Variants in TXNL4A observed in about 807,000 individuals in gnomAD.
TXNL4A encodes the protein thioredoxin like 4A.
A neutral mutation model predicts 14.6 loss-of-function variants in TXNL4A; 17 were observed. That is an observed-to-expected ratio of 1.16 (90% confidence interval 0.80 to 1.74). The LOEUF (loss-of-function observed/expected upper bound fraction) is 1.74, where lower values mean the gene tolerates loss of function less well. Ranked by LOEUF, TXNL4A falls within the 40% of genes most tolerant of loss-of-function variation. The pLI, the probability that TXNL4A is intolerant of heterozygous loss-of-function variation, is 0.00. For missense variants in TXNL4A, 74 were observed against 195.2 expected (o/e 0.38, Z 3.70); for synonymous variants, 83 against 70.6 (o/e 1.18, Z -0.88).
At chr18:80,027,854 G>A (rs982114567) in intron 1 of TXNL4A, among the ~76,000 whole-genome samples, 1 of 152,222 alleles carries the variant, frequency 6.6e-6, no homozygotes, top group African/African-American at 2.4e-5. Flanking sequence ...CTGACAGAGT[G>A]AGAGGAATTT....
chr18:79,987,290 G>C (rs2051565326), intron 1 of TXNL4A, among the ~76,000 whole-genome samples: 2 of 152,174 alleles, frequency 1.3e-5, no homozygotes, highest in Admixed American at 1.3e-4. Context: ...ATTAATAAAT[G>C]GCAGGCCAGA....
At chr18:79,998,022 G>C (rs916180762) in intron 1 of TXNL4A, among the ~76,000 whole-genome samples, 1 of 152,278 alleles carries the variant, frequency 6.6e-6, no homozygotes, top group Non-Finnish European at 1.5e-5. Flanking sequence ...GGACAGGCCC[G>C]GTGGCTCAGG....
Position 79,982,966 on chromosome 18 carries a change from T to C in TXNL4A, c.154-5265A>G, listed in dbSNP as rs557971566. ...CTGGGTGAGTGCAGCCACACTGCTC[T>C]GCCAAGTCATCCTGTGACTTCCTCA... On this transcript the variant is annotated intron_variant, in intron 1 of 2. Transcript: ENST00000269601. This position sits in a 1 kb window ranked among gnomAD's most constrained non-coding sequence, Gnocchi z 4.0. Among the ~76,000 whole-genome samples the C allele has an allele frequency of 6.6e-6, 1 of 152,282 alleles. No individual in the cohort carries two copies. The highest frequency in any genetic ancestry group is 2.1e-4 in the South Asian group (1 of 4,830).
chr18:80,013,854 G>GAAC (rs370833246), intron 1 of TXNL4A, among the ~76,000 whole-genome samples: 255 of 152,272 alleles, frequency 1.7e-3, no homozygotes, highest in African/African-American at 5.7e-3. Flanking sequence ...CTGAAACTAG[G>GAAC]AACAACAACA....
chr18:79,985,147 C>G (rs1175544790), intron 1 of TXNL4A, among the ~76,000 whole-genome samples: 2 of 152,176 alleles, frequency 1.3e-5, no homozygotes, highest in African/African-American at 2.4e-5. Context: ...GGAAAGACAG[C>G]TCAAAGGTCC....
chr18:79,973,630 A>C lies in TXNL4A; in HGVS notation c.*55T>G. ...TTCCAAAGGCTTTAAATAGCTTAAA[A>C]CGTTTCCATACAAAAAGGGCTCCAC... On this transcript the variant is annotated 3_prime_UTR_variant, in exon 3 of 3. Coordinates refer to ENST00000269601, the MANE Select transcript of TXNL4A (RefSeq NM_006701.5). The C allele has an allele frequency of 6.4e-7, 1 of 1,555,078 alleles. No homozygotes were observed. Among genetic ancestry groups the C allele is most frequent in the East Asian group, 2.3e-5 (1 of 44,324 alleles).
rs372173726 is a variant in TXNL4A at position 79,973,669 on chromosome 18, G to T, written c.*16C>A. 6.2e-7 allele frequency: 1 copy of T among 1,601,370 alleles called. No individual in the cohort carries two copies. Among genetic ancestry groups the T allele is most frequent in the East Asian group, 2.2e-5 (1 of 44,672 alleles). Reference sequence around the variant, plus strand: ...AAAGGGCTCCACGACATTTATCCGCGCAGACTGAGGGCGCCTCAGTAGCGG... The same window carrying T: ...AAAGGGCTCCACGACATTTATCCGCTCAGACTGAGGGCGCCTCAGTAGCGG... On this transcript the variant is annotated 3_prime_UTR_variant, in exon 3 of 3. Transcript: ENST00000269601.
chr18:80,031,162 T>G (rs2051918573), intron 1 of TXNL4A, among the ~76,000 whole-genome samples: 1 of 152,212 alleles, frequency 6.6e-6, no homozygotes, highest in Non-Finnish European at 1.5e-5. Flanking sequence ...GGTTCACCCC[T>G]TCGTTTGGCC....
chr18:80,011,677 G>C lies in TXNL4A; in HGVS notation c.-61+22174C>G, dbSNP rs12373197. On this transcript the variant is annotated intron_variant, in intron 1 of 2. Coordinates refer to the TXNL4A transcript ENST00000585474. This position sits in a 1 kb window ranked among gnomAD's most constrained non-coding sequence, Gnocchi z 4.1. ...TCGGCGGCATTCCACAGGTGGCTCA[G>C]GGAGATAACACTTCCTTGAAGCAAT... Among the ~76,000 whole-genome samples, 17,091 of 152,150 alleles carry C rather than the reference G, an allele frequency of 0.11. 1,173 individuals are homozygous for C. The highest frequency in any genetic ancestry group is 0.27 in the East Asian group (1,400 of 5,170).
chr18:80,005,497 A>G (rs1221620250), intron 1 of TXNL4A, among the ~76,000 whole-genome samples: 1 of 152,248 alleles, frequency 6.6e-6, no homozygotes, highest in African/African-American at 2.4e-5. Context: ...TTCAGGAATA[A>G]AATAATAATA....
At chr18:80,012,198 A>G (rs2051774602) in intron 1 of TXNL4A, among the ~76,000 whole-genome samples, 1 of 152,222 alleles carries the variant, frequency 6.6e-6, no homozygotes. Flanking sequence ...GGACACCGCC[A>G]AACCAAGATA....
chr18:80,009,699 A>G (rs923485308), intron 1 of TXNL4A, among the ~76,000 whole-genome samples: 4 of 152,254 alleles, frequency 2.6e-5, no homozygotes, highest in Non-Finnish European at 5.9e-5. Flanking sequence ...CAGGTCGGCA[A>G]CTTGAGAGAT....
chr18:80,009,052 C>CTTT (rs771335030), intron 1 of TXNL4A, among the ~76,000 whole-genome samples: 21 of 152,238 alleles, frequency 1.4e-4, no homozygotes, highest in Non-Finnish European at 2.4e-4. Context: ...GCTGGGATTA[C>CTTT]AGGCGTGAGC....
chr18:80,031,158 C>T (rs917328070), intron 1 of TXNL4A, among the ~76,000 whole-genome samples: 2 of 152,176 alleles, frequency 1.3e-5, no homozygotes, highest in Non-Finnish European at 2.9e-5. Flanking sequence ...ATCTGGTTCA[C>T]CCCTTCGTTT....
Position 80,011,396 on chromosome 18 carries a change from C to T in TXNL4A, c.-61+22455G>A, listed in dbSNP as rs1385145631. On this transcript the variant is annotated intron_variant, in intron 1 of 2. Transcript: ENST00000585474. This position sits in a 1 kb window ranked among gnomAD's most constrained non-coding sequence, Gnocchi z 4.1. ...TGTTTTATTTAAGAGTGCACAGGCG[C>T]CCACTACTTCAGCTATAAGGACATT... Among the ~76,000 whole-genome samples, 1 of 152,166 alleles carries T rather than the reference C, an allele frequency of 6.6e-6. No individual in the cohort carries two copies. The highest frequency in any genetic ancestry group is 1.5e-5 in the Non-Finnish European group (1 of 68,042).
chr18:80,032,128 CT>C (rs1264832464), intron 1 of TXNL4A, among the ~76,000 whole-genome samples: 2 of 152,022 alleles, frequency 1.3e-5, no homozygotes, highest in Admixed American at 6.5e-5. Context: ...ATACATTTTT[CT>C]TTTTTTCCTC....
chr18:79,979,648 C>A, intron 1 of TXNL4A: 1 of 152,690 alleles, frequency 6.5e-6, no homozygotes, highest in Non-Finnish European at 1.5e-5. Context: ...GAACTGTGAG[C>A]CAATTAAACT....
At chr18:79,998,279 C>T (rs976111084) in intron 1 of TXNL4A, among the ~76,000 whole-genome samples, 2 of 150,542 alleles carry the variant, frequency 1.3e-5, no homozygotes, top group Admixed American at 1.3e-4. Flanking sequence ...AACGACAGAG[C>T]GAGACTCCGT....
intron 2 of TXNL4A, 96 bp from the exon 3 acceptor site, chr18:79,973,952 CTT>C (rs2051340035): frequency 5.3e-6 from 8 of 1,519,066 alleles, no homozygotes; most frequent in African/African-American, 2.8e-5. Context: ...GTGACAAGCT[CTT>C]GTTAACATCA....
Sources: allele counts gnomAD v4.1 joint callset (sites outside exome capture counted in the v4.1 genomes callset), GRCh38; gene constraint gnomAD v4.1.1; non-coding constraint Gnocchi (gnomAD v3.1); transcripts MANE v1.5; gene names NCBI Gene and HGNC (gene_info 2026-07-23, HGNC 2026-07-21).